SV2C: variants seen among roughly 807,000 people sequenced by gnomAD.
The protein encoded by SV2C is synaptic vesicle glycoprotein 2C, also known as solute carrier family 22 member B3.
Under a neutral mutation model 79.7 loss-of-function variants are expected in SV2C, and 49 were observed. The ratio of observed to expected loss-of-function variants is 0.61; its 90% CI spans 0.49 to 0.78. SV2C has a LOEUF of 0.78. Among genes scored for constraint, SV2C ranks in the 30% least tolerant of loss-of-function variants. The probability of loss-of-function intolerance (pLI) is 0.00; values close to 1 mark genes in which losing one functional copy is unlikely to be tolerated. For synonymous variants in SV2C, 334 were observed against 333.2 expected, an observed-to-expected ratio of 1.00 and a Z score of -0.03; for missense variants, 833 against 912.9, an observed-to-expected ratio of 0.91 and a Z score of 1.13.
chr5:76,189,243 G>A (rs1008385953), intron 2 of SV2C, among the ~76,000 whole-genome samples: 2 of 151,820 alleles, frequency 1.3e-5, no homozygotes, highest in African/African-American at 2.4e-5. Flanking sequence ...TAGGAGAGAC[G>A]GAGCTTACAC....
the SV2C span, among the ~76,000 whole-genome samples, chr5:75,866,911 T>C: frequency 6.6e-6 from 1 of 152,136 alleles, no homozygotes; most frequent in African/African-American, 2.4e-5. Context: ...TAGGGTGTAG[T>C]GGAGGAAATG....
chr5:76,016,949 G>A, the SV2C span, among the ~76,000 whole-genome samples: 6 of 152,188 alleles, frequency 3.9e-5, no homozygotes, highest in African/African-American at 7.2e-5. Flanking sequence ...TGCGCTGTGC[G>A]TCAAAGCATC....
At chr5:76,273,384 G>T (rs775314972) in intron 4 of SV2C, among the ~76,000 whole-genome samples, 26 of 151,922 alleles carry the variant, frequency 1.7e-4, no homozygotes, top group Admixed American at 5.2e-4. Context: ...CACCATGCTT[G>T]AGTCAGTCTT....
the SV2C span, among the ~76,000 whole-genome samples, chr5:76,078,347 G>C: frequency 6.6e-6 from 1 of 152,172 alleles, no homozygotes; most frequent in Non-Finnish European, 1.5e-5. Flanking sequence ...TGGGCATTTT[G>C]CTAACAGTGG....
At chr5:75,894,454 T>C in the SV2C span, among the ~76,000 whole-genome samples, 1 of 152,136 alleles carries the variant, frequency 6.6e-6, no homozygotes, top group East Asian at 1.9e-4. Context: ...TAACAGCTCA[T>C]GATGCCAGTG....
intron 2 of SV2C, among the ~76,000 whole-genome samples, chr5:76,186,862 C>T (rs1346886209): frequency 6.6e-6 from 1 of 152,172 alleles, no homozygotes; most frequent in African/African-American, 2.4e-5. Flanking sequence ...AGAACTCACT[C>T]ACTATCATGA....
intron 4 of SV2C, among the ~76,000 whole-genome samples, chr5:76,249,117 C>G (rs996552197): frequency 6.6e-6 from 1 of 152,096 alleles, no homozygotes; most frequent in Non-Finnish European, 1.5e-5. Context: ...TCTAGATCCC[C>G]TATAAAGAGA....
the SV2C span, among the ~76,000 whole-genome samples, chr5:76,046,650 G>T: frequency 6.6e-6 from 1 of 152,018 alleles, no homozygotes; most frequent in Non-Finnish European, 1.5e-5. Flanking sequence ...ATAAATAAGC[G>T]CTATCATAAT....
chr5:76,314,269 G>A (rs528518332), intron 12 of SV2C, among the ~76,000 whole-genome samples: 3 of 152,310 alleles, frequency 2.0e-5, no homozygotes, highest in African/African-American at 4.8e-5. Context: ...GTGAGCATTT[G>A]GGCCAGTGTA....
At chr5:75,946,988 TGAGA>T in the SV2C span, among the ~76,000 whole-genome samples, 38 of 152,212 alleles carry the variant, frequency 2.5e-4, no homozygotes, top group Non-Finnish European at 5.1e-4. Flanking sequence ...AAGATCCAAG[TGAGA>T]GAGTCTGATT....
chr5:76,316,321 T>C (rs1395505068), intron 12 of SV2C, among the ~76,000 whole-genome samples: 1 of 152,212 alleles, frequency 6.6e-6, no homozygotes, highest in Non-Finnish European at 1.5e-5. Context: ...GACAGCAGGA[T>C]TCTCAACCCT....
At chr5:76,009,306 T>C in the SV2C span, among the ~76,000 whole-genome samples, 1 of 152,210 alleles carries the variant, frequency 6.6e-6, no homozygotes, top group Admixed American at 6.5e-5. Context: ...TTATACACTG[T>C]TGATGAGAAT....
chr5:75,902,839 G>T, the SV2C span, among the ~76,000 whole-genome samples: 1 of 152,192 alleles, frequency 6.6e-6, no homozygotes, highest in Admixed American at 6.5e-5. Context: ...ATTTATATGG[G>T]ATGTGTGATG....
the SV2C span, among the ~76,000 whole-genome samples, chr5:76,011,573 T>A: frequency 1.6e-4 from 24 of 152,142 alleles, no homozygotes; most frequent in Non-Finnish European, 2.5e-4. Flanking sequence ...AATTAATAGA[T>A]ATTACCGACT....
At chr5:76,064,678 C>A in the SV2C span, among the ~76,000 whole-genome samples, 2 of 152,086 alleles carry the variant, frequency 1.3e-5, no homozygotes, top group East Asian at 3.9e-4. Context: ...CCTTCTTCTC[C>A]GGATCCCTTG....
At position 76,083,522 on chromosome 5, in the gene SV2C, G is replaced by C. The variant is rs1325360253; in HGVS notation, c.-102+10G>C. 6.6e-6 allele frequency: 1 copy of C among 152,378 alleles called. No homozygotes were observed. The highest frequency in any genetic ancestry group is 1.5e-5 in the Non-Finnish European group (1 of 68,160). 9.4% of individuals were successfully genotyped at this position (152,378 alleles called of 1,614,324 possible). A position where few individuals can be genotyped will look rare whatever the true frequency, so the allele number is the denominator to read the frequency against. On this transcript the variant is annotated intron_variant, in intron 1 of 12. Coordinates refer to ENST00000502798, the MANE Select transcript of SV2C (RefSeq NM_014979.4). ...TCCGACGGCTGGAGCGGTGAGTGGGGGAGGTGAAGCGGGCATCCGCGGGGA... is the reference window on the plus strand; with the variant it reads ...TCCGACGGCTGGAGCGGTGAGTGGGCGAGGTGAAGCGGGCATCCGCGGGGA...
At position 76,325,713 on chromosome 5, in the gene SV2C, T is replaced by A. The variant is rs1435644272; in HGVS notation, c.*166T>A. ...AGAAGCATATCATCTTGCCCCTTTG[T>A]GATTTTGCACAGGTTGTTTGTTTGT... On this transcript the variant is annotated 3_prime_UTR_variant, in exon 13 of 13. Transcript: ENST00000502798. 1 of 979,506 alleles carries A rather than the reference T, an allele frequency of 1.0e-6. No homozygotes were observed. Among genetic ancestry groups the A allele is most frequent in the East Asian group, 2.7e-5 (1 of 36,702 alleles). 60.7% of individuals were successfully genotyped at this position (979,506 alleles called of 1,614,324 possible).
At chr5:75,987,868 G>A in the SV2C span, among the ~76,000 whole-genome samples, 1 of 152,002 alleles carries the variant, frequency 6.6e-6, no homozygotes, top group African/African-American at 2.4e-5. Context: ...TGGTTCTAGT[G>A]TTAGTGTTAG....
At chr5:76,091,734 G>A (rs1402094717) in intron 1 of SV2C, 1 of 151,586 alleles carries the variant, frequency 6.6e-6, no homozygotes, top group African/African-American at 2.4e-5. Context: ...ATGTTCCCAG[G>A]TGGTCTTCCA....
Sources: allele counts gnomAD v4.1 joint callset (sites outside exome capture counted in the v4.1 genomes callset), GRCh38; gene constraint gnomAD v4.1.1; transcripts MANE v1.5; gene names NCBI Gene and HGNC (gene_info 2026-07-23, HGNC 2026-07-21).